USP35: variants seen among roughly 807,000 people sequenced by gnomAD.
The protein encoded by USP35 is ubiquitin specific peptidase 35.
Under a neutral mutation model 83.8 loss-of-function variants are expected in USP35, and 69 were observed. The observed-to-expected ratio is 0.82, with a 90% CI of 0.68 to 1.01. USP35 has a LOEUF of 1.01. Ranked by LOEUF, USP35 falls within the 50% of genes least tolerant of loss-of-function variation. The pLI, the probability that USP35 is intolerant of heterozygous loss-of-function variation, is 0.00. For synonymous variants in USP35, 714 were observed against 589.5 expected (o/e 1.21, Z -3.06); for missense variants, 1,503 against 1,362.5 (o/e 1.10, Z -1.62).
intron 10 of USP35, among the ~76,000 whole-genome samples, chr11:78,213,056 G>C (rs190619344): frequency 6.6e-6 from 1 of 152,194 alleles, no homozygotes; most frequent in Non-Finnish European, 1.5e-5. Context: ...TGTGTTTTGT[G>C]CGGGGGAATA....
rs554477821 is a variant in USP35, at chr11:78,196,727, G to T, written c.482G>T (p.Arg161Leu). Reference sequence around the variant, plus strand: ...CGCTGTGTGCCCGACGGACCCCACCGCCTGCTCTTCTGCCAGCAGCTGGTG... The same window carrying T: ...CGCTGTGTGCCCGACGGACCCCACCTCCTGCTCTTCTGCCAGCAGCTGGTG... Reference protein sequence around the residue: ...HPRCVPDGPHRLLFCQQLVRC... With the variant: ...HPRCVPDGPHLLLFCQQLVRC... Residue 161 changes from arginine (R) to leucine (L), a missense_variant, in exon 2 of 11, where the codon CGC (arginine) becomes CTC (leucine). By Grantham distance (102) the Arg-to-Leu change is moderately radical. Transcript: ENST00000529308. The surrounding 1 kb of genome is among the most constrained non-coding windows in gnomAD (Gnocchi z 4.8). The T allele has an allele frequency of 2.6e-6, 4 of 1,530,626 alleles. No individual in the cohort carries two copies. The highest frequency in any genetic ancestry group is 3.5e-6 in the Non-Finnish European group (4 of 1,145,044). 94.8% of individuals were successfully genotyped at this position (1,530,626 alleles called of 1,614,324 possible).
the USP35 span, among the ~76,000 whole-genome samples, chr11:78,227,402 A>G: frequency 5.3e-5 from 8 of 152,198 alleles, no homozygotes; most frequent in Admixed American, 3.3e-4. Flanking sequence ...CTTTAAGTTG[A>G]TGACAGGAAA....
In USP35 at chr11:78,203,357, A is replaced by G. The variant is rs942663078; in HGVS notation, c.1198-2485A>G. 2.6e-5 allele frequency among the ~76,000 whole-genome samples: 4 copies of G among 152,052 alleles called. No homozygotes were observed. The East Asian group carries it at 7.7e-4, about 29-fold the overall frequency. On this transcript the variant is annotated intron_variant, in intron 6 of 10. Coordinates refer to ENST00000529308, the MANE Select transcript of USP35 (RefSeq NM_020798.4). The stretch of plus-strand genomic sequence containing the variant: ...GTTTGGTGGTAATGTGTGAGGGGGA[A>G]GGGAGATCAGAAAAATCAGCAGAGC...
intron 10 of USP35, 131 bp from the exon 11 acceptor site, chr11:78,213,515 G>A (rs1002436664): frequency 9.3e-7 from 1 of 1,073,770 alleles, no homozygotes; most frequent in Non-Finnish European, 1.2e-6. Context: ...CTGCCACTGA[G>A]CTGCAATGTC....
Position 78,213,905 on chromosome 11 carries a change from T to C in USP35, c.*92T>C. The C allele has an allele frequency of 1.4e-5, 20 of 1,438,270 alleles. No homozygotes were observed. The highest frequency in any genetic ancestry group is 1.8e-5 in the Non-Finnish European group (20 of 1,083,180). The allele number at this position is 1,438,270 out of a possible 1,614,324, so 89.1% of individuals were successfully genotyped here. A position where few individuals can be genotyped will look rare whatever the true frequency, so the allele number is the denominator to read the frequency against. ...AGGCAGGCCCTACCAAGAGGAAGGA[T>C]GGTACAGCTCATGGCACCTTAGTCC... On this transcript the variant is annotated 3_prime_UTR_variant, in exon 11 of 11. Transcript: ENST00000529308.
At chr11:78,212,426 T>C (rs1374992485) in intron 10 of USP35, among the ~76,000 whole-genome samples, 1 of 151,314 alleles carries the variant, frequency 6.6e-6, no homozygotes, top group Admixed American at 6.6e-5. Context: ...TATATGGACT[T>C]TTTGGCTCCG....
Position 78,209,915 on chromosome 11 carries a change from G to A in USP35, c.2060G>A (p.Arg687Lys), listed in dbSNP as rs375118158. ...IEREEEGKEE[R>K]TEKEEVGEEE... is the part of the protein sequence containing the mutation. ...AGGGAGGAAGAAGGGAAGGAGGAGA[G>A]AACGGAGAAGGAAGAAGTGGGGGAG... Residue 687 changes from arginine (R) to lysine (K), a missense_variant, in exon 10 of 11, where the codon AGA becomes AAA. Arg to Lys is a conservative substitution (Grantham distance 26). Transcript: ENST00000529308. 7 of 1,600,728 alleles carry A rather than the reference G, an allele frequency of 4.4e-6. No individual in the cohort carries two copies. The African/African-American group carries it at 8.1e-5, about 18-fold the overall frequency.
At chr11:78,200,615 T>C (rs1863320491) in intron 5 of USP35, 35 bp from the exon 6 acceptor site, 1 of 1,573,826 alleles carries the variant, frequency 6.4e-7, no homozygotes, top group South Asian at 1.2e-5. Context: ...GGTGGGCGGG[T>C]TGGTGCTGAG....
chr11:78,195,184 T>A (rs1863107273), intron 1 of USP35, among the ~76,000 whole-genome samples: 1 of 152,082 alleles, frequency 6.6e-6, no homozygotes, highest in Non-Finnish European at 1.5e-5. Context: ...ACTAACTGAT[T>A]CCAGCTGTAA....
At chr11:78,229,453 G>A in the USP35 span, among the ~76,000 whole-genome samples, 3,251 of 152,164 alleles carry the variant, frequency 0.021, 101 homozygotes, top group African/African-American at 0.074. Context: ...CAGGCACCCT[G>A]CAATAACCTT....
intron 7 of USP35, among the ~76,000 whole-genome samples, chr11:78,206,940 G>T (rs1863546177): frequency 6.6e-6 from 1 of 152,174 alleles, no homozygotes. Flanking sequence ...CATCCCTAAA[G>T]GGTCCTCTTC....
chr11:78,196,774 T>C lies in USP35; in HGVS notation c.529T>C (p.Cys177Arg). ...GGTGCGTTGCCTCGGCCGCTTCCGC[T>C]GCCCAGCCGAAGGCGAGGAGGGCGC... ...QLVRCLGRFR[C>R]PAEGEEGAVE... is the part of the protein sequence containing the mutation. The change falls in exon 2 of 11, where the codon TGC becomes CGC. Residue 177 changes from cysteine to arginine, a missense_variant. Transcript: ENST00000529308. This position sits in a 1 kb window ranked among gnomAD's most constrained non-coding sequence, Gnocchi z 4.8. 1 of 1,533,466 alleles carries C rather than the reference T, an allele frequency of 6.5e-7. No individual in the cohort carries two copies. The highest frequency in any genetic ancestry group is 1.2e-5 in the South Asian group (1 of 83,758). The allele number at this position is 1,533,466 out of a possible 1,614,324, so 95.0% of individuals were successfully genotyped here.
Position 78,210,083 on chromosome 11 carries a change from A to G in USP35, c.2228A>G (p.Asp743Gly). Reference protein sequence around the residue: ...EDSLGAGTHPDAAIPSGERTC... With the variant: ...EDSLGAGTHPGAAIPSGERTC... ...AGCCTGGGAGCGGGGACCCACCCGGATGCTGCCATCCCCTCCGGGGAGCGG... is the reference window on the plus strand; with the variant it reads ...AGCCTGGGAGCGGGGACCCACCCGGGTGCTGCCATCCCCTCCGGGGAGCGG... Residue 743 changes from aspartate to glycine, a missense_variant, in exon 10 of 11, where the codon GAT (aspartate) becomes GGT (glycine). Asp to Gly is a moderately conservative substitution (Grantham distance 94, BLOSUM62 -1). Coordinates refer to ENST00000529308, the MANE Select transcript of USP35 (RefSeq NM_020798.4). 1.2e-6 allele frequency: 2 copies of G among 1,614,002 alleles called. No homozygotes were observed. The highest frequency in any genetic ancestry group is 1.6e-4 in the Middle Eastern group (1 of 6,062).
intron 1 of USP35, among the ~76,000 whole-genome samples, chr11:78,193,331 G>A (rs926708451): frequency 4.0e-5 from 6 of 151,796 alleles, no homozygotes; most frequent in Non-Finnish European, 5.9e-5. Flanking sequence ...AGCTGGGACT[G>A]CAGGTGTGAG....
intron 1 of USP35, among the ~76,000 whole-genome samples, chr11:78,195,364 A>G (rs984890757): frequency 3.3e-5 from 5 of 152,074 alleles, no homozygotes; most frequent in Non-Finnish European, 7.4e-5. Context: ...GGAGATAAGG[A>G]CGTGTCAGGC....
chr11:78,210,744 G>T lies in USP35; in HGVS notation c.2889G>T (p.Gln963His), dbSNP rs1180540512. ...CCAAAGACAACATCCTTTACCTACA[G>T]GTGAGCTGAGCCGTGGGGCCTTTGA... ...AISKDNILYL[Q>H]EQEKEARSRA... The change falls in exon 10 of 11, where the codon CAG (glutamine) becomes CAT (histidine). Residue 963 changes from glutamine (Q) to histidine (H), a missense_variant and splice_region_variant. By Grantham distance (24) the Gln-to-His change is conservative. Coordinates refer to ENST00000529308, the MANE Select transcript of USP35 (RefSeq NM_020798.4). 7 of 1,539,450 alleles carry T rather than the reference G, an allele frequency of 4.5e-6. No individual in the cohort carries two copies. Among genetic ancestry groups the T allele is most frequent in the Non-Finnish European group, 6.1e-6 (7 of 1,143,002 alleles).
chr11:78,207,311 G>A (rs1863558324), intron 7 of USP35: 2 of 542,770 alleles, frequency 3.7e-6, no homozygotes, highest in South Asian at 4.2e-5. Context: ...ACCCTTCATT[G>A]TCTAAAACAT....
the USP35 span, among the ~76,000 whole-genome samples, chr11:78,236,937 C>A: frequency 6.6e-6 from 1 of 152,132 alleles, no homozygotes; most frequent in Non-Finnish European, 1.5e-5. Flanking sequence ...TAGTTGGATT[C>A]GACTGCTAAT....
intron 2 of USP35, 139 bp downstream of exon 2, chr11:78,197,057 G>A (rs916399505): frequency 3.6e-5 from 49 of 1,351,630 alleles, no homozygotes; most frequent in Non-Finnish European, 4.5e-5. Context: ...CTCAGGTGGA[G>A]GGCTGCAGCC....
Sources: allele counts gnomAD v4.1 joint callset (sites outside exome capture counted in the v4.1 genomes callset), GRCh38; gene constraint gnomAD v4.1.1; non-coding constraint Gnocchi (gnomAD v3.1); transcripts MANE v1.5; gene names NCBI Gene and HGNC (gene_info 2026-07-23, HGNC 2026-07-21).